TRIM47: variants seen among roughly 807,000 people sequenced by gnomAD.
The protein encoded by TRIM47 is tripartite motif containing 47, also known as E3 ubiquitin-protein ligase TRIM47.
In TRIM47, 46 loss-of-function variants were observed where a neutral mutation model predicts 54.4. The observed-to-expected ratio is 0.84, with a 90% CI of 0.67 to 1.08. The LOEUF is 1.08. TRIM47 is among the 50% of genes least tolerant of loss of function. The pLI is 0.00. For synonymous variants in TRIM47, 392 were observed against 410.2 expected (o/e 0.96, Z 0.54); for missense variants, 825 against 910.1 (o/e 0.91, Z 1.20).
At position 75,875,030 on chromosome 17, in the gene TRIM47, T is replaced by C; in HGVS notation, c.1370A>G (p.Asn457Ser). Residue 457 changes from asparagine to serine, a missense_variant, in exon 6 of 6, where the codon AAC (asparagine) becomes AGC (serine). Physicochemically the swap from Asn to Ser is conservative, Grantham distance 46. Transcript: ENST00000254816. This position sits in a 1 kb window ranked among gnomAD's most constrained non-coding sequence, Gnocchi z 6.1. ...GAAGCGGGTGGGCGACAAGGGGTAG[T>C]TGATAGGACACAGCACCCTCTTGAC... is the stretch of plus-strand genomic sequence containing the variant. ...KGVKRVLCPI[N>S]YPLSPTRFTH... The C allele has an allele frequency of 6.2e-7, 1 of 1,614,098 alleles. No homozygotes were observed. Among genetic ancestry groups the C allele is most frequent in the Non-Finnish European group, 8.5e-7 (1 of 1,179,996 alleles).
rs143150218 is a variant in TRIM47 at position 75,875,708 on chromosome 17, C to G, written c.1201+193G>C. The G allele has an allele frequency of 3.1e-4, 232 of 745,646 alleles. No individual in the cohort carries two copies. The Middle Eastern group carries it at 4.2e-3, about 13-fold the overall frequency. The allele number at this position is 745,646 out of a possible 1,614,324, so 46.2% of individuals were successfully genotyped here. On this transcript the variant is annotated intron_variant, in intron 4 of 5. Transcript: ENST00000254816. This position sits in a 1 kb window ranked among gnomAD's most constrained non-coding sequence, Gnocchi z 6.1. ...GAGCTAGAGGGTGGGCTAGGAGAAG[C>G]CCCCTCTACCCCAGGTCCAAGGGGC...
rs1394711286 is a variant in TRIM47 at position 75,875,284 on chromosome 17, T to G, written c.1276+116A>C. 7.0e-6 allele frequency: 10 copies of G among 1,419,954 alleles called. No individual in the cohort carries two copies. The highest frequency in any genetic ancestry group is 9.7e-6 in the Non-Finnish European group (10 of 1,026,182). 88.0% of individuals were successfully genotyped at this position (1,419,954 alleles called of 1,614,324 possible). A position where few individuals can be genotyped will look rare whatever the true frequency, so the allele number is the denominator to read the frequency against. ...ACCACCCCAGGAGCTGCCCTAGCTC[T>G]CCCCACAAACTGGGGAGAGGAATCC... On this transcript the variant is annotated intron_variant, in intron 5 of 5. Transcript: ENST00000254816. The surrounding 1 kb of genome is among the most constrained non-coding windows in gnomAD (Gnocchi z 6.1).
At position 75,875,510 on chromosome 17, in the gene TRIM47, G is replaced by T; in HGVS notation, c.1202-36C>A. 6.3e-7 allele frequency: 1 copy of T among 1,583,986 alleles called. No homozygotes were observed. Among genetic ancestry groups the T allele is most frequent in the Non-Finnish European group, 8.7e-7 (1 of 1,153,056 alleles). ...GGAGACAGTGGTGAGAACGCCCCCA[G>T]ACTGCCCCCCTCTGAACCTGTGACT... On this transcript the variant is annotated intron_variant, in intron 4 of 5. Transcript: ENST00000254816. This position sits in a 1 kb window ranked among gnomAD's most constrained non-coding sequence, Gnocchi z 6.1.
At chr17:75,876,966 G>T in intron 1 of TRIM47, 153 bp from the exon 2 acceptor site, 3 of 699,006 alleles carry the variant, frequency 4.3e-6, no homozygotes, top group Non-Finnish European at 7.2e-6. Flanking sequence ...CCCATAATAT[G>T]CCAGAGGTGC....
In TRIM47 at chr17:75,876,435, C is replaced by T. The variant is rs117794441; in HGVS notation, c.829G>A (p.Ala277Thr). The change falls in exon 3 of 6, where the codon GCC becomes ACC. Residue 277 changes from alanine (A) to threonine (T), a missense_variant. Physicochemically the swap from Ala to Thr is moderately conservative, Grantham distance 58. Transcript: ENST00000254816. Reference protein sequence around the residue: ...VSRLFADAAAALQGFQTQVLG... With the variant: ...VSRLFADAAATLQGFQTQVLG... ...ACCTGGGTCTGGAAGCCCTGCAGGG[C>T]GGCCGCAGCATCTGCAAACAGCCGG... 1.9e-4 allele frequency: 301 copies of T among 1,611,460 alleles called. 3 individuals carry two copies. The East Asian group carries it at 6.3e-3, about 34-fold the overall frequency.
chr17:75,877,232 G>A (rs1412857800), intron 1 of TRIM47: 8 of 211,222 alleles, frequency 3.8e-5, no homozygotes, highest in South Asian at 1.8e-4. Flanking sequence ...CAAAGAGCCT[G>A]CATCCACAGT....
intron 1 of TRIM47, 127 bp from the exon 2 acceptor site, chr17:75,876,940 G>A (rs1284980191): frequency 2.3e-6 from 2 of 880,686 alleles, no homozygotes; most frequent in Non-Finnish European, 3.5e-6. Context: ...AGGTGGGACT[G>A]GAGTGGCCAC....
chr17:75,876,966 G>A, intron 1 of TRIM47, 153 bp from the exon 2 acceptor site: 2 of 699,004 alleles, frequency 2.9e-6, no homozygotes. Flanking sequence ...CCCATAATAT[G>A]CCAGAGGTGC....
chr17:75,874,758 C>G lies in TRIM47; in HGVS notation c.1642G>C (p.Val548Leu), dbSNP rs758245726. Residue 548 changes from valine to leucine, a missense_variant, in exon 6 of 6, where the codon GTT (valine) becomes CTT (leucine). Transcript: ENST00000254816. The surrounding 1 kb of genome is among the most constrained non-coding windows in gnomAD (Gnocchi z 6.2). ...APLPHPFSPT[V>L]GVCLEYADRA... ...TCAGCGTATTCCAGGCAGACCCCAA[C>G]CGTGGGCGAGAAGGGGTGGGGCAGG... 1.9e-6 allele frequency: 3 copies of G among 1,614,058 alleles called. No individual in the cohort carries two copies. The highest frequency in any genetic ancestry group is 2.5e-6 in the Non-Finnish European group (3 of 1,180,022).
Position 75,876,770 on chromosome 17 carries a change from TC to T in TRIM47, c.718del (p.Asp240ThrfsTer22). The T allele has an allele frequency of 6.2e-7, 1 of 1,614,178 alleles. No individual in the cohort carries two copies. Among genetic ancestry groups the T allele is most frequent in the Non-Finnish European group, 8.5e-7 (1 of 1,180,012 alleles). ...CTGTGCAATGCCAGCACCCAGCTCG[TC>T]CATGCGGTCCTCCACGGCGCTCAGG... ...KVLSAVEDRMDELGAGIAQSR... is the reference protein window; with the variant it reads ...KVLSAVEDRMXELGAGIAQSR... On this transcript the variant is annotated frameshift_variant, in exon 2 of 6. Transcript: ENST00000254816. LOFTEE classifies it high-confidence loss of function.
rs2065122603 is a variant in TRIM47 at position 75,874,800 on chromosome 17, G to T, written c.1600C>A (p.His534Asn). The T allele has an allele frequency of 6.2e-7, 1 of 1,613,976 alleles. No individual in the cohort carries two copies. Among genetic ancestry groups the T allele is most frequent in the African/African-American group, 1.3e-5 (1 of 74,946 alleles). The change falls in exon 6 of 6, where the codon CAT (histidine) becomes AAT (asparagine). Residue 534 changes from histidine (H) to asparagine (N), a missense_variant. Physicochemically the swap from His to Asn is moderately conservative, Grantham distance 68. Transcript: ENST00000254816. The surrounding 1 kb of genome is among the most constrained non-coding windows in gnomAD (Gnocchi z 6.2). Reference protein sequence around the residue: ...WNGRSFSVWFHGLEAPLPHPF... With the variant: ...WNGRSFSVWFNGLEAPLPHPF... ...TGGGGCAGGGGAGCCTCCAGCCCAT[G>T]AAACCAGACGGAGAAGCTGCGTCCA... is the stretch of plus-strand genomic sequence containing the variant.
At chr17:75,876,693 C>T (rs1388359920) in intron 2 of TRIM47, 25 bp downstream of exon 2, 3 of 1,612,974 alleles carry the variant, frequency 1.9e-6, no homozygotes, top group East Asian at 2.2e-5. Flanking sequence ...GTGGATTGTT[C>T]CATGCTGAGG....
At chr17:75,876,905 G>T in intron 1 of TRIM47, 92 bp from the exon 2 acceptor site, 6 of 1,237,470 alleles carry the variant, frequency 4.8e-6, no homozygotes, top group Non-Finnish European at 6.9e-6. Flanking sequence ...AGAAGGGGGT[G>T]ACTGGGGAGT....
In TRIM47 at chr17:75,876,276, CTGAG is replaced by C; in HGVS notation, c.984_987del (p.Asp328GlufsTer11). 5 of 1,606,776 alleles carry C rather than the reference CTGAG, an allele frequency of 3.1e-6. No individual in the cohort carries two copies. Among genetic ancestry groups the C allele is most frequent in the Non-Finnish European group, 4.2e-6 (5 of 1,178,192 alleles). ...GCGGCCTTCACCTGCAGGAAGCTGA[CTGAG>C]TCAGCTTCAGGGACCTGGCTGAGAT... is the stretch of plus-strand genomic sequence containing the variant. On this transcript the variant is annotated frameshift_variant, in exon 3 of 6. Coordinates refer to ENST00000254816, the MANE Select transcript of TRIM47 (RefSeq NM_033452.3). LOFTEE classifies it high-confidence loss of function.
Position 75,876,699 on chromosome 17 carries a change from T to A in TRIM47, c.771+19A>T. The A allele has an allele frequency of 1.2e-6, 2 of 1,613,622 alleles. No individual in the cohort carries two copies. The highest frequency in any genetic ancestry group is 2.2e-5 in the East Asian group (1 of 44,874). ...TTGTTTGGAGTGGATTGTTCCATGC[T>A]GAGGGAGGGGTGTTTGACCTTGATG... On this transcript the variant is annotated intron_variant, in intron 2 of 5. Transcript: ENST00000254816.
chr17:75,876,839 T>A, intron 1 of TRIM47, 26 bp from the exon 2 acceptor site: 1 of 1,610,906 alleles, frequency 6.2e-7, no homozygotes, highest in South Asian at 1.1e-5. Flanking sequence ...TCCATGAGTG[T>A]GAGGTCTGGC....
Position 75,874,839 on chromosome 17 carries a change from A to T in TRIM47, c.1561T>A (p.Cys521Ser). ...GRLGRNAHSCCLQWNGRSFSV... is the reference protein window; with the variant it reads ...GRLGRNAHSCSLQWNGRSFSV... ...AAGCTGCGTCCATTCCACTGCAGGC[A>T]GCAGGAGTGGGCGTTGCGGCCCAGC... The change falls in exon 6 of 6, where the codon TGC becomes AGC. Residue 521 changes from cysteine (C) to serine (S), a missense_variant. By Grantham distance (112) the Cys-to-Ser change is moderately radical. Transcript: ENST00000254816. This position sits in a 1 kb window ranked among gnomAD's most constrained non-coding sequence, Gnocchi z 6.2. 6.2e-7 allele frequency: 1 copy of T among 1,614,144 alleles called. No individual in the cohort carries two copies. The highest frequency in any genetic ancestry group is 8.5e-7 in the Non-Finnish European group (1 of 1,180,018).
Position 75,876,807 on chromosome 17 carries a change from G to A in TRIM47, c.682C>T (p.Gln228Ter). 2 of 1,613,908 alleles carry A rather than the reference G, an allele frequency of 1.2e-6. No homozygotes were observed. The highest frequency in any genetic ancestry group is 2.2e-5 in the South Asian group (2 of 91,082). ...EQERALQEAE[Q>*]SKVLSAVEDR... ...TCCACGGCGCTCAGGACTTTGGACTGCTCAGCCTGTGGACAACACCCTCCA... is the reference window on the plus strand; with the variant it reads ...TCCACGGCGCTCAGGACTTTGGACTACTCAGCCTGTGGACAACACCCTCCA... Residue 228 changes from glutamine (Q) to a stop codon, truncating the protein, a stop_gained, in exon 2 of 6, where the codon CAG becomes TAG. Transcript: ENST00000254816. LOFTEE classifies it high-confidence loss of function.
rs189241752 is a variant in TRIM47, at chr17:75,874,528, G to A, written c.1872C>T (p.Ile624=). The A allele has an allele frequency of 4.3e-5, 65 of 1,513,444 alleles. No homozygotes were observed. The Admixed American group carries it at 7.7e-4, about 18-fold the overall frequency. 93.8% of individuals were successfully genotyped at this position (1,513,444 alleles called of 1,614,324 possible). ...FLESVDAHLQ[I]GPLKKSCISV... ...ATATGCAGGACTTCTTGAGGGGCCC[G>A]ATCTGCAAGTGGGCGTCCACACTCT... Residue 624 remains isoleucine, a synonymous_variant, in exon 6 of 6, where the codon ATC becomes ATT. Transcript: ENST00000254816. The surrounding 1 kb of genome is among the most constrained non-coding windows in gnomAD (Gnocchi z 6.2).
Sources: allele counts gnomAD v4.1 joint callset, GRCh38; gene constraint gnomAD v4.1.1; non-coding constraint Gnocchi (gnomAD v3.1); transcripts MANE v1.5; gene names NCBI Gene and HGNC (gene_info 2026-07-23, HGNC 2026-07-21).